DMD: variants seen among roughly 807,000 people sequenced by gnomAD.
The protein encoded by DMD is dystrophin, also known as mutant dystrophin.
Under a neutral mutation model 330.1 loss-of-function variants are expected in DMD, and 63 were observed. That is an observed-to-expected ratio of 0.19 (90% CI 0.16 to 0.24). DMD has a LOEUF of 0.24. Ranked by LOEUF, DMD falls within the 10% of genes least tolerant of loss-of-function variation. The probability of loss-of-function intolerance (pLI) is 1.00; values close to 1 mark genes in which losing one functional copy is unlikely to be tolerated. For synonymous variants in DMD, 1,223 were observed against 959.8 expected (o/e 1.27, Z -5.07); for missense variants, 3,344 against 2,684.1 (o/e 1.25, Z -5.43).
intron 19 of DMD, among the ~76,000 whole-genome samples, chrX:32,493,097 T>C (rs1373421628): frequency 1.8e-5 from 2 of 111,970 alleles, no homozygotes; most frequent in Non-Finnish European, 3.8e-5. Context: ...TTTGCTAACT[T>C]GCACATGCCT....
intron 62 of DMD, among the ~76,000 whole-genome samples, 198 bp downstream of exon 62, chrX:31,323,400 T>G (rs2056560823): frequency 8.9e-6 from 1 of 112,263 alleles, no homozygotes; most frequent in South Asian, 3.7e-4. Flanking sequence ...AAACTTTTCT[T>G]AAAAGTCGTT....
chrX:31,886,076 C>T (rs756322840), intron 47 of DMD, among the ~76,000 whole-genome samples: 59 of 110,714 alleles, frequency 5.3e-4, no homozygotes, highest in Admixed American at 3.0e-3. Flanking sequence ...AGGGAATTTT[C>T]AATTCCAATA....
chrX:32,307,320 C>T (rs1349304200), intron 42 of DMD, among the ~76,000 whole-genome samples: 2 of 111,083 alleles, frequency 1.8e-5, no homozygotes, highest in Non-Finnish European at 3.8e-5. Flanking sequence ...TCAGAGTTAC[C>T]CTAACTGAAG....
At chrX:32,401,398 T>C (rs183831282) in intron 30 of DMD, among the ~76,000 whole-genome samples, 60 of 112,100 alleles carry the variant, frequency 5.4e-4, no homozygotes, top group Admixed American at 4.7e-3. Context: ...AAGAATGACG[T>C]CCTGTCATTT....
At chrX:31,627,602 T>C in intron 55 of DMD, 71 bp downstream of exon 55, 1 of 1,110,859 alleles carries the variant, frequency 9.0e-7, no homozygotes, top group Non-Finnish European at 1.2e-6. Flanking sequence ...GGCTTGTCAG[T>C]TACAAGTACA....
chrX:32,175,615 G>A (rs778709149), intron 44 of DMD, among the ~76,000 whole-genome samples: 329 of 107,011 alleles, frequency 3.1e-3, no homozygotes, highest in Non-Finnish European at 4.2e-3. Flanking sequence ...CGAACCCACC[G>A]GCGGGAACCA....
intron 55 of DMD, among the ~76,000 whole-genome samples, chrX:31,526,198 G>A (rs780919408): frequency 4.5e-5 from 5 of 112,355 alleles, no homozygotes; most frequent in Non-Finnish European, 9.4e-5. Flanking sequence ...TCCGAAGAGC[G>A]GCATTGTGCT....
intron 44 of DMD, among the ~76,000 whole-genome samples, chrX:32,180,261 A>G (rs138153896): frequency 1.2e-3 from 137 of 111,757 alleles, no homozygotes; most frequent in African/African-American, 4.4e-3. Flanking sequence ...AGATGTGGTC[A>G]TCTGGTTATA....
intron 5 of DMD, among the ~76,000 whole-genome samples, chrX:32,817,500 T>C (rs751314880): frequency 1.8e-5 from 2 of 112,128 alleles, no homozygotes; most frequent in Non-Finnish European, 3.8e-5. Flanking sequence ...TGACGCTTCA[T>C]AGAAAAAACT....
At chrX:31,407,702 G>A (rs1300096933) in intron 60 of DMD, among the ~76,000 whole-genome samples, 31 of 106,614 alleles carry the variant, frequency 2.9e-4, no homozygotes, top group African/African-American at 9.6e-4. Context: ...GGATGGTCTC[G>A]AACTCCTGAC....
intron 1 of DMD, among the ~76,000 whole-genome samples, chrX:33,210,379 C>T (rs915100329): frequency 9.0e-6 from 1 of 111,002 alleles, no homozygotes; most frequent in Non-Finnish European, 1.9e-5. Context: ...CCCATCTCTT[C>T]GGGACACACA....
At chrX:32,373,117 A>G (rs1373710782) in intron 34 of DMD, among the ~76,000 whole-genome samples, 1 of 110,319 alleles carries the variant, frequency 9.1e-6, no homozygotes, top group African/African-American at 3.3e-5. Context: ...ATCTTTAAAC[A>G]TCTTAAATTG....
chrX:31,958,107 T>G (rs1415080502), intron 45 of DMD, among the ~76,000 whole-genome samples: 2 of 103,540 alleles, frequency 1.9e-5, no homozygotes, highest in African/African-American at 7.0e-5. Context: ...TTTTTTTTTT[T>G]TTTTTTTTTT....
intron 44 of DMD, among the ~76,000 whole-genome samples, chrX:32,118,898 T>A (rs1341618238): frequency 9.0e-6 from 1 of 110,755 alleles, no homozygotes; most frequent in Non-Finnish European, 1.9e-5. Flanking sequence ...GTGTGGACAG[T>A]TCACAATAGG....
chrX:31,127,075 T>TA (rs1484374350), intron 77 of DMD, among the ~76,000 whole-genome samples: 2 of 112,297 alleles, frequency 1.8e-5, no homozygotes, highest in Non-Finnish European at 3.8e-5. Context: ...CATTGAAACA[T>TA]AAACAGTAGT....
intron 37 of DMD, among the ~76,000 whole-genome samples, chrX:32,353,006 A>G (rs958982117): frequency 2.7e-5 from 3 of 111,248 alleles, no homozygotes; most frequent in Non-Finnish European, 5.7e-5. Flanking sequence ...ATACAGGAAA[A>G]GGTGCTTATT....
intron 43 of DMD, among the ~76,000 whole-genome samples, chrX:32,267,245 T>G (rs1209851594): frequency 8.9e-6 from 1 of 112,415 alleles, no homozygotes; most frequent in Non-Finnish European, 1.9e-5. Flanking sequence ...CATGTCTCTC[T>G]TAAACTTTCT....
At chrX:32,054,892 G>C (rs2096155929) in intron 44 of DMD, among the ~76,000 whole-genome samples, 4 of 100,265 alleles carry the variant, frequency 4.0e-5, no homozygotes, top group Non-Finnish European at 8.1e-5. Context: ...GGGGAGGGGA[G>C]GGGAGGAGAG....
intron 44 of DMD, among the ~76,000 whole-genome samples, chrX:32,076,086 A>AACAAAAAAAAG (rs2096346527): frequency 1.2e-5 from 1 of 82,314 alleles, no homozygotes; most frequent in African/African-American, 4.8e-5. Flanking sequence ...AAAAAAAAAA[A>AACAAAAAAAAG]AGAGAGAGAG....
Sources: gnomAD v4.1 joint callset for allele counts (sites outside exome capture counted in the v4.1 genomes callset) on GRCh38, gnomAD v4.1.1 for gene constraint, MANE v1.5 for transcripts, NCBI Gene and HGNC (gene_info 2026-07-23, HGNC 2026-07-21) for gene names.